The following HS6ST3 variants were observed in gnomAD, a reference collection of about 807,000 sequenced individuals.
HS6ST3 encodes the protein heparan sulfate 6-O-sulfotransferase 3, also known as heparan-sulfate 6-O-sulfotransferase 3.
In HS6ST3, 12 loss-of-function variants were observed where a neutral mutation model predicts 36.7. The ratio of observed to expected loss-of-function variants is 0.33; its 90% CI spans 0.21 to 0.53. The LOEUF (loss-of-function observed/expected upper bound fraction) is 0.53, where lower values mean the gene tolerates loss of function less well. HS6ST3 is among the 20% of genes least tolerant of loss of function. The pLI is 0.95. For missense variants in HS6ST3, 584 were observed against 640.9 expected, an observed-to-expected ratio of 0.91 and a Z score of 0.96; for synonymous variants, 240 against 257.5, an observed-to-expected ratio of 0.93 and a Z score of 0.65.
intron 1 of HS6ST3, among the ~76,000 whole-genome samples, chr13:96,361,572 T>A (rs1450713436): frequency 6.6e-6 from 1 of 152,162 alleles, no homozygotes; most frequent in Non-Finnish European, 1.5e-5. Context: ...GAGTTATCCA[T>A]CCCTGGAAGT....
chr13:96,684,817 A>C (rs2138440165), intron 1 of HS6ST3, among the ~76,000 whole-genome samples: 1 of 152,190 alleles, frequency 6.6e-6, no homozygotes, highest in Non-Finnish European at 1.5e-5. Context: ...TGCTAGAAGA[A>C]GACCCGCCCA....
intron 1 of HS6ST3, among the ~76,000 whole-genome samples, chr13:96,227,471 C>T (rs777065460): frequency 2.6e-5 from 4 of 152,176 alleles, no homozygotes; most frequent in Non-Finnish European, 4.4e-5. Context: ...CTACATCTCC[C>T]GTTGTTTGAT....
At chr13:96,742,488 G>T (rs1255525032) in intron 1 of HS6ST3, among the ~76,000 whole-genome samples, 2 of 151,970 alleles carry the variant, frequency 1.3e-5, no homozygotes, top group South Asian at 2.1e-4. Context: ...GATGAAAAAA[G>T]ATATACCAGG....
chr13:96,604,863 C>T (rs1290381136), intron 1 of HS6ST3, among the ~76,000 whole-genome samples: 6 of 152,256 alleles, frequency 3.9e-5, no homozygotes, highest in Non-Finnish European at 8.8e-5. Flanking sequence ...TTAAGGTTCA[C>T]GTGTCTGGGA....
At chr13:96,226,567 CTTTTG>C (rs1309425934) in intron 1 of HS6ST3, among the ~76,000 whole-genome samples, 5 of 152,222 alleles carry the variant, frequency 3.3e-5, no homozygotes, top group African/African-American at 9.6e-5. Flanking sequence ...ATTATAATAT[CTTTTG>C]TTTTGGTGGT....
intron 1 of HS6ST3, among the ~76,000 whole-genome samples, chr13:96,802,990 T>C (rs1202128241): frequency 1.3e-5 from 2 of 152,140 alleles, no homozygotes; most frequent in East Asian, 3.9e-4. Context: ...TCATCCCCAA[T>C]AACGTGGAAA....
intron 1 of HS6ST3, among the ~76,000 whole-genome samples, chr13:96,810,292 T>A (rs1012252224): frequency 2.0e-5 from 3 of 152,144 alleles, no homozygotes; most frequent in African/African-American, 7.2e-5. Flanking sequence ...AAGTTTCTTA[T>A]CTTTCCTTCA....
intron 1 of HS6ST3, among the ~76,000 whole-genome samples, chr13:96,245,983 C>G (rs2054583251): frequency 6.6e-6 from 1 of 151,864 alleles, no homozygotes; most frequent in South Asian, 2.1e-4. Context: ...TGTAAACAAA[C>G]CGAATAGAGT....
At chr13:96,765,148 A>ACTG (rs1231500054) in intron 1 of HS6ST3, among the ~76,000 whole-genome samples, 1 of 136,424 alleles carries the variant, frequency 7.3e-6, no homozygotes, top group African/African-American at 2.8e-5. Flanking sequence ...ATCTCGGCTC[A>ACTG]CTGCAAGCTC....
At chr13:96,682,656 T>C (rs906994346) in intron 1 of HS6ST3, among the ~76,000 whole-genome samples, 1 of 152,106 alleles carries the variant, frequency 6.6e-6, no homozygotes, top group African/African-American at 2.4e-5. Context: ...TTCATTAAGC[T>C]AAAGTGCTTA....
chr13:96,284,677 G>A (rs1386994622), intron 1 of HS6ST3, among the ~76,000 whole-genome samples: 1 of 152,124 alleles, frequency 6.6e-6, no homozygotes, highest in Non-Finnish European at 1.5e-5. Context: ...ATCCAGTCAA[G>A]TTAACACTTA....
intron 1 of HS6ST3, among the ~76,000 whole-genome samples, chr13:96,659,698 T>G (rs1282205279): frequency 6.6e-6 from 1 of 152,088 alleles, no homozygotes; most frequent in Non-Finnish European, 1.5e-5. Flanking sequence ...GCAATGTTCA[T>G]TTTTTTGGTC....
intron 1 of HS6ST3, among the ~76,000 whole-genome samples, chr13:96,499,987 G>A (rs1164627835): frequency 1.3e-5 from 2 of 152,258 alleles, no homozygotes; most frequent in African/African-American, 2.4e-5. Context: ...AATTCAGTGG[G>A]TTTTAGTATA....
chr13:96,347,082 T>C (rs1470441883), intron 1 of HS6ST3, among the ~76,000 whole-genome samples: 1 of 152,136 alleles, frequency 6.6e-6, no homozygotes, highest in African/African-American at 2.4e-5. Context: ...CAGATAAGAC[T>C]GGAGCTTTGG....
intron 1 of HS6ST3, among the ~76,000 whole-genome samples, chr13:96,250,521 G>T (rs1249067555): frequency 6.6e-6 from 1 of 152,150 alleles, no homozygotes; most frequent in African/African-American, 2.4e-5. Context: ...AGCAATGCTT[G>T]CAGTCAACAG....
intron 1 of HS6ST3, among the ~76,000 whole-genome samples, chr13:96,480,315 T>C (rs1404553940): frequency 6.6e-6 from 1 of 152,142 alleles, no homozygotes; most frequent in Non-Finnish European, 1.5e-5. Context: ...GGTTTCACCA[T>C]GTTGGCCAGG....
intron 1 of HS6ST3, among the ~76,000 whole-genome samples, chr13:96,710,336 G>A (rs1402564216): frequency 6.6e-6 from 1 of 152,236 alleles, no homozygotes; most frequent in African/African-American, 2.4e-5. Context: ...ACTCAGCAGA[G>A]CTCTGCCTGC....
In HS6ST3 at chr13:96,589,687, T is replaced by C. The variant is rs985950668; in HGVS notation, c.708-242803T>C. Among the ~76,000 whole-genome samples the C allele has an allele frequency of 6.6e-5, 10 of 152,110 alleles. 1 individual carries two copies. The highest frequency in any genetic ancestry group is 6.6e-5 in the Admixed American group (1 of 15,264). On this transcript the variant is annotated intron_variant, in intron 1 of 1. Coordinates refer to ENST00000376705, the MANE Select transcript of HS6ST3 (RefSeq NM_153456.4). ...CTATAAACATCCCTCATAGAATTGCTTTTTCTGTATTTTGTATTTCTGTAT... is the reference window on the plus strand; with the variant it reads ...CTATAAACATCCCTCATAGAATTGCCTTTTCTGTATTTTGTATTTCTGTAT...
At chr13:96,193,153 G>A (rs1283124598) in intron 1 of HS6ST3, among the ~76,000 whole-genome samples, 1 of 152,182 alleles carries the variant, frequency 6.6e-6, no homozygotes, top group Non-Finnish European at 1.5e-5. Flanking sequence ...GGTTGCTGAA[G>A]CTCAGAGATC....
Sources: gnomAD v4.1 joint callset for allele counts (sites outside exome capture counted in the v4.1 genomes callset) on GRCh38, gnomAD v4.1.1 for gene constraint, MANE v1.5 for transcripts, NCBI Gene and HGNC (gene_info 2026-07-23, HGNC 2026-07-21) for gene names.